Variants in BAZ2A observed in about 807,000 individuals in gnomAD.
BAZ2A encodes the protein bromodomain adjacent to zinc finger domain protein 2A.
Under a neutral mutation model 199.9 loss-of-function variants are expected in BAZ2A, and 34 were observed. That is an observed-to-expected ratio of 0.17 (90% CI 0.13 to 0.23). The LOEUF is 0.23. BAZ2A is among the 10% of genes least tolerant of loss of function. BAZ2A has a pLI of 1.00. For missense variants in BAZ2A, 2,002 were observed against 2,391.1 expected (o/e 0.84, Z 3.39); for synonymous variants, 857 against 883.9 (o/e 0.97, Z 0.54).
Position 56,601,185 on chromosome 12 carries a change from G to C in BAZ2A, c.4289C>G (p.Pro1430Arg), listed in dbSNP as rs982139908. 3 of 1,613,926 alleles carry C rather than the reference G, an allele frequency of 1.9e-6. No individual in the cohort carries two copies. In the African/African-American group the frequency reaches 4.0e-5, roughly 22 times the overall value. The change falls in exon 21 of 29, where the codon CCA becomes CGA. Residue 1430 changes from proline to arginine, a missense_variant. Physicochemically the swap from Pro to Arg is moderately radical, Grantham distance 103 (BLOSUM62 -2). Coordinates refer to ENST00000549884, the MANE Select transcript of BAZ2A (RefSeq NM_001300905.2). The stretch of plus-strand genomic sequence containing the variant: ...CTCACTCCAAGGTCACTCACCAGGT[G>C]GGACAGGCTGGGCTGTCAGCTGGGT... ...YLTQLTAQPV[P>R]PEMCSGWWWI...
At chr12:56,625,162 T>C (rs959707171) in intron 1 of BAZ2A, among the ~76,000 whole-genome samples, 1 of 147,386 alleles carries the variant, frequency 6.8e-6, no homozygotes, top group South Asian at 2.2e-4. Flanking sequence ...TTCTTTTTTT[T>C]TTTTTTTTTT....
At position 56,598,608 on chromosome 12, in the gene BAZ2A, C is replaced by T. The variant is rs1488685658; in HGVS notation, c.*10G>A. The T allele has an allele frequency of 6.2e-7, 1 of 1,612,308 alleles. No individual in the cohort carries two copies. The highest frequency in any genetic ancestry group is 1.7e-5 in the Admixed American group (1 of 59,886). On this transcript the variant is annotated 3_prime_UTR_variant, in exon 29 of 29. Coordinates refer to ENST00000549884, the MANE Select transcript of BAZ2A (RefSeq NM_001300905.2). ...GAGATGCCACAAGGTGACTCCCCAC[C>T]TCCCTTGCCTCACAGATTGGCCTGT... is the stretch of plus-strand genomic sequence containing the variant.
chr12:56,604,757 T>A lies in BAZ2A; in HGVS notation c.2791A>T (p.Thr931Ser). ...AGGATCTCTGACACATTGTCTCTTG[T>A]CAGTGGGATCTCAGACACCTTCTCC... ...LGEKVSEIPLTRDNVSEILRC... is the reference protein window; with the variant it reads ...LGEKVSEIPLSRDNVSEILRC... The change falls in exon 15 of 29, where the codon ACA becomes TCA. Residue 931 changes from threonine (T) to serine (S), a missense_variant. Physicochemically the swap from Thr to Ser is moderately conservative, Grantham distance 58. Coordinates refer to ENST00000549884, the MANE Select transcript of BAZ2A (RefSeq NM_001300905.2). The A allele has an allele frequency of 1.2e-6, 2 of 1,613,850 alleles. No individual in the cohort carries two copies. Among genetic ancestry groups the A allele is most frequent in the Non-Finnish European group, 8.5e-7 (1 of 1,179,866 alleles).
upstream of BAZ2A, among the ~76,000 whole-genome samples, chr12:56,632,498 C>G (rs1006860779): frequency 1.3e-5 from 2 of 152,140 alleles, no homozygotes; most frequent in Non-Finnish European, 2.9e-5. Flanking sequence ...CACACCCACA[C>G]ACACCCACCA....
chr12:56,603,275 A>T (rs538347959), intron 18 of BAZ2A, 84 bp downstream of exon 18: 2 of 1,442,846 alleles, frequency 1.4e-6, no homozygotes, highest in African/African-American at 2.9e-5. Flanking sequence ...AAAGAATAAA[A>T]ATTAAAATTC....
upstream of BAZ2A, among the ~76,000 whole-genome samples, chr12:56,633,939 C>A (rs1182154865): frequency 6.6e-6 from 1 of 152,062 alleles, no homozygotes; most frequent in African/African-American, 2.4e-5. Context: ...TGCCATGTTG[C>A]CCAAGCTGGT....
chr12:56,614,530 T>C (rs572945113), intron 3 of BAZ2A, among the ~76,000 whole-genome samples: 1 of 152,272 alleles, frequency 6.6e-6, no homozygotes, highest in African/African-American at 2.4e-5. Context: ...CGTGTACTAA[T>C]GCTAAACAAC....
Position 56,630,174 on chromosome 12 carries a change from A to T in BAZ2A, c.-52T>A. 7.1e-6 allele frequency: 7 copies of T among 985,618 alleles called. No individual in the cohort carries two copies. The highest frequency in any genetic ancestry group is 8.4e-6 in the Non-Finnish European group (7 of 830,060). The allele number at this position is 985,618 out of a possible 1,614,324, so 61.1% of individuals were successfully genotyped here. ...CTCGGGGCTCGTCTCTCCCCGGGGTACAAGCGGTTCACATGGCCGCGCTCC... is the reference window on the plus strand; with the variant it reads ...CTCGGGGCTCGTCTCTCCCCGGGGTTCAAGCGGTTCACATGGCCGCGCTCC... On this transcript the variant is annotated 5_prime_UTR_variant, in exon 1 of 29. Coordinates refer to ENST00000549884, the MANE Select transcript of BAZ2A (RefSeq NM_001300905.2).
rs149779426 is a variant in BAZ2A, at chr12:56,622,117, T to A, written c.-2-4585A>T. The stretch of plus-strand genomic sequence containing the variant: ...ACTTTGGGAGGCCAAGGTGGGTGGA[T>A]CACCTGAAGTCAAGAGTTCGAAACC... On this transcript the variant is annotated intron_variant, in intron 1 of 28. Coordinates refer to ENST00000549884, the MANE Select transcript of BAZ2A (RefSeq NM_001300905.2). Among the ~76,000 whole-genome samples the A allele has an allele frequency of 2.6e-3, 396 of 152,154 alleles. 2 individuals carry two copies. Among genetic ancestry groups the A allele is most frequent in the African/African-American group, 9.4e-3 (392 of 41,520 alleles).
At position 56,612,039 on chromosome 12, in the gene BAZ2A, G is replaced by C; in HGVS notation, c.1343C>G (p.Ser448Cys). ...AGAAGCTGCGGGACAAACTTCTGGA[G>C]AGATTTCTGGGGAGGCTGCTGGAGA... Reference protein sequence around the residue: ...VVSPAASPEISPEVCPAASTV... With the variant: ...VVSPAASPEICPEVCPAASTV... The change falls in exon 6 of 29, where the codon TCT becomes TGT. Residue 448 changes from serine to cysteine, a missense_variant. Ser to Cys is a moderately radical substitution (Grantham distance 112, BLOSUM62 -1). Coordinates refer to ENST00000549884, the MANE Select transcript of BAZ2A (RefSeq NM_001300905.2). 6.2e-7 allele frequency: 1 copy of C among 1,613,844 alleles called. No homozygotes were observed. Among genetic ancestry groups the C allele is most frequent in the Non-Finnish European group, 8.5e-7 (1 of 1,179,854 alleles).
Position 56,604,706 on chromosome 12 carries a change from C to T in BAZ2A, c.2842G>A (p.Val948Ile), listed in dbSNP as rs200486637. Residue 948 changes from valine (V) to isoleucine (I), a missense_variant, in exon 15 of 29, where the codon GTA becomes ATA. Transcript: ENST00000549884. ...ILRCFLMAYG[V>I]EPALCDRLRT... is the part of the protein sequence containing the mutation. ...AGGCGGTCACAGAGGGCTGGCTCTA[C>T]TCCATATGCCATAAGGAAGCAGCGC... is the stretch of plus-strand genomic sequence containing the variant. 141 of 1,613,754 alleles carry T rather than the reference C, an allele frequency of 8.7e-5. No homozygotes were observed. In the African/African-American group the frequency reaches 1.7e-3, roughly 20 times the overall value.
rs371338077 is a variant in BAZ2A, at chr12:56,628,978, G to A, written c.-3+1147C>T. On this transcript the variant is annotated intron_variant, in intron 1 of 28. Coordinates refer to ENST00000549884, the MANE Select transcript of BAZ2A (RefSeq NM_001300905.2). Reference sequence around the variant, plus strand: ...ACAGAGATGTTCTGGAGAAGGGATTGGGATACGTGAGTCAACTGAAGTTGA... The same window carrying A: ...ACAGAGATGTTCTGGAGAAGGGATTAGGATACGTGAGTCAACTGAAGTTGA... Among the ~76,000 whole-genome samples, 76 of 152,092 alleles carry A rather than the reference G, an allele frequency of 5.0e-4. 1 individual carries two copies. The South Asian group carries it at 0.015, about 29-fold the overall frequency.
At position 56,630,299 on chromosome 12, in the gene BAZ2A, G is replaced by C; in HGVS notation, c.-177C>G. The C allele has an allele frequency of 1.0e-6, 1 of 984,898 alleles. No individual in the cohort carries two copies. The highest frequency in any genetic ancestry group is 1.7e-5 in the African/African-American group (1 of 57,356). The allele number at this position is 984,898 out of a possible 1,614,324, so 61.0% of individuals were successfully genotyped here. On this transcript the variant is annotated 5_prime_UTR_variant, in exon 1 of 29. Coordinates refer to ENST00000549884, the MANE Select transcript of BAZ2A (RefSeq NM_001300905.2). ...GCGGCTCAACCGCGGGGCCCGAGAG[G>C]AGCCAACATGGCCGGCGGGGGAGGA...
intron 19 of BAZ2A, 149 bp downstream of exon 19, chr12:56,602,564 G>C: frequency 1.9e-6 from 2 of 1,048,438 alleles, no homozygotes. Flanking sequence ...CAGAGCAGGT[G>C]GGTAGGCAGC....
At chr12:56,613,849 A>T in intron 4 of BAZ2A, 104 bp downstream of exon 4, 1 of 1,264,748 alleles carries the variant, frequency 7.9e-7, no homozygotes, top group Non-Finnish European at 1.1e-6. Flanking sequence ...TGGAAGCCCC[A>T]GTGCCCCTGA....
In BAZ2A at chr12:56,601,353, G is replaced by C; in HGVS notation, c.4121C>G (p.Ser1374Cys). ...AGGGGCCAACCCAGCCAAGGGCGTG[G>C]AAGAGAACTGCACTGGAGAACAAGG... ...ANPCSPVQFS[S>C]TPLAGLAPKR... The change falls in exon 21 of 29, where the codon TCC (serine) becomes TGC (cysteine). Residue 1374 changes from serine (S) to cysteine (C), a missense_variant. Ser to Cys is a moderately radical substitution (Grantham distance 112). Transcript: ENST00000549884. The C allele has an allele frequency of 3.1e-6, 5 of 1,613,984 alleles. No homozygotes were observed. Among genetic ancestry groups the C allele is most frequent in the Non-Finnish European group, 4.2e-6 (5 of 1,179,866 alleles).
intron 11 of BAZ2A, 96 bp from the exon 12 acceptor site, chr12:56,606,408 G>A (rs1213831611): frequency 9.1e-6 from 13 of 1,429,282 alleles, no homozygotes; most frequent in African/African-American, 7.1e-5. Context: ...GGGGAGGAGA[G>A]GTGAGAGATG....
chr12:56,615,523 G>T lies in BAZ2A; in HGVS notation c.221C>A (p.Ser74Tyr). Residue 74 changes from serine (S) to tyrosine (Y), a missense_variant, in exon 3 of 29, where the codon TCC becomes TAC. By Grantham distance (144) the Ser-to-Tyr change is moderately radical. Around this residue, in one of 6 missense-constraint regions of BAZ2A, gnomAD observed 641 missense variants for 694.5 expected, o/e 0.92. Transcript: ENST00000549884. ...GTGATGGAGGTGTGAGGTGCTGGAG[G>T]AGTGGGGAGCAGAGTTCAAAATCCC... ...TSGILNSAPH[S>Y]SSTSHLHHPS... 6.2e-7 allele frequency: 1 copy of T among 1,613,508 alleles called. No homozygotes were observed. Among genetic ancestry groups the T allele is most frequent in the Non-Finnish European group, 8.5e-7 (1 of 1,179,868 alleles).
rs1886516341 is a variant in BAZ2A at position 56,601,880 on chromosome 12, A to G, written c.3737T>C (p.Leu1246Pro). Residue 1246 changes from leucine (L) to proline (P), a missense_variant, in exon 20 of 29, where the codon CTG becomes CCG. By Grantham distance (98) the Leu-to-Pro change is moderately conservative. Transcript: ENST00000549884. ...QLQLQSHKGF[L>P]EQEGSPLSLG... ...TGACAAAGGGGAGCCTTCTTGCTCC[A>G]GGAACCCCTTATGGGACTGAAGCTG... 6.2e-7 allele frequency: 1 copy of G among 1,613,546 alleles called. No homozygotes were observed. Among genetic ancestry groups the G allele is most frequent in the African/African-American group, 1.3e-5 (1 of 75,016 alleles).
Sources: gnomAD v4.1 joint callset for allele counts (sites outside exome capture counted in the v4.1 genomes callset) on GRCh38, gnomAD v4.1.1 for gene constraint, gnomAD v4.1.1 regional missense constraint, MANE v1.5 for transcripts, NCBI Gene and HGNC (gene_info 2026-07-23, HGNC 2026-07-21) for gene names.